The following GRM5 variants were observed in gnomAD, a reference collection of about 807,000 sequenced individuals.
GRM5 encodes the protein metabotropic glutamate receptor 5.
Under a neutral mutation model 83.1 loss-of-function variants are expected in GRM5, and 19 were observed. The ratio of observed to expected loss-of-function variants is 0.23; its 90% CI spans 0.16 to 0.34. The LOEUF (loss-of-function observed/expected upper bound fraction) is 0.34, where lower values mean the gene tolerates loss of function less well. Among genes scored for constraint, GRM5 ranks in the 10% least tolerant of loss-of-function variants. The probability of loss-of-function intolerance (pLI) is 1.00; values close to 1 mark genes in which losing one functional copy is unlikely to be tolerated. For synonymous variants in GRM5, 675 were observed against 633.6 expected (o/e 1.07, Z -0.98); for missense variants, 1,160 against 1,588.3 (o/e 0.73, Z 4.58).
At chr11:88,718,429 A>G (rs1941447387) in intron 3 of GRM5, among the ~76,000 whole-genome samples, 2 of 151,980 alleles carry the variant, frequency 1.3e-5, no homozygotes, top group Non-Finnish European at 2.9e-5. Context: ...CTTTAGAGAC[A>G]GTGGAATTAA....
chr11:88,551,118 G>T (rs139260952), intron 8 of GRM5, among the ~76,000 whole-genome samples: 1 of 152,016 alleles, frequency 6.6e-6, no homozygotes. Context: ...TATAAAATGG[G>T]AATAGTAATG....
chr11:88,553,023 A>G (rs1178640627), intron 8 of GRM5, among the ~76,000 whole-genome samples: 2 of 148,022 alleles, frequency 1.4e-5, no homozygotes, highest in Non-Finnish European at 3.1e-5. Flanking sequence ...TTCTGCTAAC[A>G]TGTCTTTTTT....
intron 3 of GRM5, among the ~76,000 whole-genome samples, chr11:88,691,804 C>T (rs1330008411): frequency 1.3e-5 from 2 of 152,180 alleles, no homozygotes; most frequent in African/African-American, 4.8e-5. Context: ...ATCTCTTAAA[C>T]AGGAGTCTTT....
chr11:88,681,373 A>C (rs1353223656), intron 3 of GRM5, among the ~76,000 whole-genome samples: 15 of 151,734 alleles, frequency 9.9e-5, no homozygotes, highest in Non-Finnish European at 4.4e-5. Context: ...AAATGCTAAC[A>C]TTCTTTTTTG....
At chr11:88,602,237 A>G (rs1314150839) in intron 5 of GRM5, among the ~76,000 whole-genome samples, 1 of 152,190 alleles carries the variant, frequency 6.6e-6, no homozygotes, top group African/African-American at 2.4e-5. Flanking sequence ...TGTGTTTATT[A>G]GGGAGTGCTA....
chr11:88,820,460 A>G (rs12281755), intron 3 of GRM5, among the ~76,000 whole-genome samples: 3,773 of 151,112 alleles, frequency 0.025, 164 homozygotes, highest in African/African-American at 0.088. Flanking sequence ...CGAGCCCTGT[A>G]CCTTTTGAAA....
chr11:88,743,776 C>T (rs1469870699), intron 3 of GRM5, among the ~76,000 whole-genome samples: 1 of 152,112 alleles, frequency 6.6e-6, no homozygotes, highest in Non-Finnish European at 1.5e-5. Flanking sequence ...CAATTTTCCA[C>T]AAGTAGTCAC....
Position 88,509,079 on chromosome 11 carries a change from C to T in GRM5, c.3152G>A (p.Ser1051Asn). 2 of 1,551,206 alleles carry T rather than the reference C, an allele frequency of 1.3e-6. No homozygotes were observed. The highest frequency in any genetic ancestry group is 1.7e-6 in the Non-Finnish European group (2 of 1,147,696). Residue 1051 changes from serine (S) to asparagine (N), a missense_variant, in exon 10 of 10, where the codon AGC (serine) becomes AAC (asparagine). Ser to Asn is a conservative substitution (Grantham distance 46). This residue lies in a region of GRM5 where 562 missense variants were observed against 532.4 expected (regional missense o/e 1.06). Coordinates refer to ENST00000305447, the MANE Select transcript of GRM5 (RefSeq NM_001143831.3). ...CTCCATGAGGGAGCCCTGCGAGGAG[C>T]TGCTGCGCGCCACAGGCTCCGAGTG... ...SLHSEPVARS[S>N]SSQGSLMEQI...
chr11:88,824,320 T>C (rs567933337), intron 3 of GRM5, among the ~76,000 whole-genome samples: 5 of 152,274 alleles, frequency 3.3e-5, no homozygotes, highest in African/African-American at 7.2e-5. Flanking sequence ...TCGATGAACA[T>C]ACAAGGAACT....
chr11:88,891,441 T>C (rs1945142874), intron 2 of GRM5, among the ~76,000 whole-genome samples: 1 of 152,170 alleles, frequency 6.6e-6, no homozygotes, highest in Middle Eastern at 3.4e-3. Context: ...CGTGGCTTTC[T>C]AGATTGTTCA....
At chr11:88,996,596 C>T (rs979489106) in intron 2 of GRM5, among the ~76,000 whole-genome samples, 3 of 152,184 alleles carry the variant, frequency 2.0e-5, no homozygotes, top group African/African-American at 4.8e-5. Flanking sequence ...TTCCATGCCA[C>T]GCTCTCAAAA....
intron 4 of GRM5, among the ~76,000 whole-genome samples, chr11:88,644,128 T>C (rs980369072): frequency 6.6e-6 from 1 of 152,210 alleles, no homozygotes; most frequent in African/African-American, 2.4e-5. Flanking sequence ...TAAACAACTA[T>C]GATTTCAATA....
chr11:89,024,076 C>T lies in GRM5; in HGVS notation c.661+23136G>A, dbSNP rs1190649595. Among the ~76,000 whole-genome samples the T allele has an allele frequency of 3.3e-5, 5 of 151,700 alleles. No individual in the cohort carries two copies. The East Asian group carries it at 9.7e-4, about 30-fold the overall frequency. ...ACTAAAAATACAAAAATTAGTTGGG[C>T]GTGGTGGTCCACATCTATAATCCCA... On this transcript the variant is annotated intron_variant, in intron 2 of 9. Coordinates refer to ENST00000305447, the MANE Select transcript of GRM5 (RefSeq NM_001143831.3).
chr11:89,026,590 T>TA (rs938202559), intron 2 of GRM5, among the ~76,000 whole-genome samples: 29 of 152,160 alleles, frequency 1.9e-4, no homozygotes, highest in African/African-American at 6.8e-4. Flanking sequence ...TTGGTTCCTA[T>TA]AAAAGACAAT....
chr11:88,647,107 C>T (rs1209636282), intron 4 of GRM5, among the ~76,000 whole-genome samples: 1 of 152,050 alleles, frequency 6.6e-6, no homozygotes, highest in South Asian at 2.1e-4. Context: ...CCTGTGTCAT[C>T]CCATGGTGTC....
At chr11:88,871,753 G>C (rs1944771669) in intron 2 of GRM5, among the ~76,000 whole-genome samples, 1 of 151,482 alleles carries the variant, frequency 6.6e-6, no homozygotes, top group African/African-American at 2.4e-5. Flanking sequence ...TTAAAATACT[G>C]TGTGTACTGA....
intron 3 of GRM5, among the ~76,000 whole-genome samples, chr11:88,735,395 T>C (rs910831789): frequency 3.9e-5 from 6 of 152,084 alleles, no homozygotes; most frequent in African/African-American, 1.4e-4. Flanking sequence ...TACCTTGTTG[T>C]TTGGTTTCAC....
intron 2 of GRM5, among the ~76,000 whole-genome samples, chr11:88,866,294 A>C (rs1286639244): frequency 6.6e-6 from 1 of 152,050 alleles, no homozygotes; most frequent in African/African-American, 2.4e-5. Context: ...TCAGCAAACT[A>C]ACATAGGAAC....
chr11:88,679,783 A>G (rs1366159845), intron 3 of GRM5, among the ~76,000 whole-genome samples: 1 of 152,166 alleles, frequency 6.6e-6, no homozygotes. Context: ...GCTTCACCAT[A>G]CTTGATTTAT....
Sources: gnomAD v4.1 joint callset for allele counts (sites outside exome capture counted in the v4.1 genomes callset) on GRCh38, gnomAD v4.1.1 for gene constraint, gnomAD v4.1.1 regional missense constraint, MANE v1.5 for transcripts, NCBI Gene and HGNC (gene_info 2026-07-23, HGNC 2026-07-21) for gene names.